REDIC1: variants seen among roughly 807,000 people sequenced by gnomAD.
REDIC1 encodes regulator of DNA class I crossover intermediates 1, also known as HEI10 Interacting Protein 1.
the REDIC1 span, among the ~76,000 whole-genome samples, chr12:39,675,678 C>G: frequency 6.6e-6 from 1 of 152,218 alleles, no homozygotes; most frequent in Non-Finnish European, 1.5e-5. Flanking sequence ...AAAACTACAA[C>G]CAAGGACTCC....
chr12:39,862,744 A>C, the REDIC1 span, among the ~76,000 whole-genome samples: 1 of 152,302 alleles, frequency 6.6e-6, no homozygotes, highest in African/African-American at 2.4e-5. Flanking sequence ...ATAGTGGACC[A>C]TATTTATGGG....
the REDIC1 span, among the ~76,000 whole-genome samples, chr12:39,639,019 CTCTTT>C: frequency 6.6e-6 from 1 of 151,938 alleles, no homozygotes; most frequent in Admixed American, 6.6e-5. Context: ...TTTTTGTTAT[CTCTTT>C]TTAGTCTGGA....
the REDIC1 span, among the ~76,000 whole-genome samples, chr12:39,718,688 G>A: frequency 3.9e-5 from 6 of 151,910 alleles, no homozygotes; most frequent in South Asian, 2.1e-4. Context: ...TCCTGGAATA[G>A]GGCACTTTTG....
At chr12:39,836,362 T>A in the REDIC1 span, among the ~76,000 whole-genome samples, 1 of 152,124 alleles carries the variant, frequency 6.6e-6, no homozygotes, top group Non-Finnish European at 1.5e-5. Flanking sequence ...TCTTACTAGC[T>A]GCAGAGAAGA....
At chr12:39,763,542 T>C in the REDIC1 span, among the ~76,000 whole-genome samples, 7 of 152,062 alleles carry the variant, frequency 4.6e-5, no homozygotes, top group Admixed American at 2.6e-4. Context: ...CAGGGATTTA[T>C]AGTCTACTAG....
At chr12:39,845,793 C>T in the REDIC1 span, among the ~76,000 whole-genome samples, 1 of 152,052 alleles carries the variant, frequency 6.6e-6, no homozygotes, top group African/African-American at 2.4e-5. Context: ...GTGAATGAAA[C>T]CAATAGGAAT....
the REDIC1 span, among the ~76,000 whole-genome samples, chr12:39,665,305 C>T: frequency 2.6e-5 from 4 of 152,188 alleles, no homozygotes; most frequent in African/African-American, 4.8e-5. Flanking sequence ...AGCCAGTTTT[C>T]CCCGCATCAT....
At chr12:39,673,179 A>G in the REDIC1 span, among the ~76,000 whole-genome samples, 2 of 151,928 alleles carry the variant, frequency 1.3e-5, no homozygotes, top group African/African-American at 2.4e-5. Flanking sequence ...TGTCACTTCT[A>G]TGTTGAATTC....
the REDIC1 span, among the ~76,000 whole-genome samples, chr12:39,634,859 A>G: frequency 6.6e-6 from 1 of 151,908 alleles, no homozygotes; most frequent in Non-Finnish European, 1.5e-5. Context: ...AACCTACAGA[A>G]TGGGAAAAAA....
the REDIC1 span, among the ~76,000 whole-genome samples, chr12:39,705,072 T>C: frequency 3.3e-5 from 5 of 151,176 alleles, no homozygotes; most frequent in Non-Finnish European, 5.9e-5. Context: ...TAAAGTATAA[T>C]AATAATAAAT....
the REDIC1 span, among the ~76,000 whole-genome samples, chr12:39,711,721 G>A: frequency 0.75 from 78,649 of 104,756 alleles, 29,990 homozygotes; most frequent in Non-Finnish European, 0.83. Flanking sequence ...GCATGTGTAT[G>A]CACATGCATG....
chr12:39,821,830 G>A, the REDIC1 span, among the ~76,000 whole-genome samples: 2 of 152,154 alleles, frequency 1.3e-5, no homozygotes, highest in Non-Finnish European at 2.9e-5. Flanking sequence ...CTTGGGAGTG[G>A]TAGCAGATAC....
chr12:39,714,866 T>C, the REDIC1 span, among the ~76,000 whole-genome samples: 2 of 152,132 alleles, frequency 1.3e-5, no homozygotes, highest in East Asian at 1.9e-4. Flanking sequence ...TATCTTCTTT[T>C]GAGAATTGTC....
chr12:39,839,252 A>G, the REDIC1 span, among the ~76,000 whole-genome samples: 32 of 152,116 alleles, frequency 2.1e-4, 1 homozygote, highest in East Asian at 5.4e-3. Context: ...ACAGATTCCT[A>G]TATCAGTACT....
the REDIC1 span, among the ~76,000 whole-genome samples, chr12:39,753,536 A>ACAT: frequency 6.6e-6 from 1 of 152,190 alleles, no homozygotes; most frequent in Admixed American, 6.6e-5. Context: ...AGGAAGAAGG[A>ACAT]CATCAGGCTA....
chr12:39,705,659 A>G, the REDIC1 span, among the ~76,000 whole-genome samples: 1 of 152,280 alleles, frequency 6.6e-6, no homozygotes, highest in African/African-American at 2.4e-5. Context: ...GGTTCAAGAT[A>G]CACAAATCAA....
the REDIC1 span, among the ~76,000 whole-genome samples, chr12:39,902,248 A>C: frequency 6.6e-6 from 1 of 151,468 alleles, no homozygotes; most frequent in African/African-American, 2.4e-5. Flanking sequence ...CTAAATGACG[A>C]ATTAATGGGT....
At chr12:39,679,772 T>C in the REDIC1 span, among the ~76,000 whole-genome samples, 1 of 152,192 alleles carries the variant, frequency 6.6e-6, no homozygotes, top group Admixed American at 6.5e-5. Flanking sequence ...CAAAACAGCA[T>C]GGCACTGGTA....
At chr12:39,891,723 G>A in the REDIC1 span, among the ~76,000 whole-genome samples, 1 of 152,114 alleles carries the variant, frequency 6.6e-6, no homozygotes, top group African/African-American at 2.4e-5. Flanking sequence ...CATGCCTTAG[G>A]TTAGTGACAG....
Sources: allele counts gnomAD v4.1 joint callset (sites outside exome capture counted in the v4.1 genomes callset), GRCh38; gene constraint gnomAD v4.1.1; transcripts MANE v1.5; gene names NCBI Gene and HGNC (gene_info 2026-07-23, HGNC 2026-07-21).